The following DISP1 variants were observed in gnomAD, a reference collection of about 807,000 sequenced individuals.
DISP1 encodes protein dispatched homolog 1.
DISP1 carries 30 observed loss-of-function variants against 37.3 expected under a neutral mutation model. That is an observed-to-expected ratio of 0.80 (90% confidence interval 0.60 to 1.09). DISP1 has a LOEUF of 1.09. Among genes scored for constraint, DISP1 ranks in the 50% least tolerant of loss-of-function variants. DISP1 has a pLI of 0.00. For missense variants in DISP1, 1,598 were observed against 1,879.5 expected (o/e 0.85, Z 2.77); for synonymous variants, 634 against 690.2 (o/e 0.92, Z 1.28).
At chr1:222,971,705 G>A (rs147805255) in intron 3 of DISP1, among the ~76,000 whole-genome samples, 125 of 152,158 alleles carry the variant, frequency 8.2e-4, no homozygotes, top group Middle Eastern at 3.4e-3. Context: ...GCCTTGTCCT[G>A]TTAACAAATG....
intron 1 of DISP1, among the ~76,000 whole-genome samples, chr1:222,915,088 ACTGT>A (rs1318676625): frequency 6.6e-6 from 1 of 152,224 alleles, no homozygotes; most frequent in African/African-American, 2.4e-5. Context: ...TGTCCTGGAC[ACTGT>A]CTGAGTCGCT....
In DISP1 at chr1:222,848,601, C is replaced by T. The variant is rs140227907; in HGVS notation, c.-159+33523C>T. Reference sequence around the variant, plus strand: ...TTAGACTTACAGATGTCCTGGATTGCAGGCTCTTTGAGGGCAGAGACTGTG... The same window carrying T: ...TTAGACTTACAGATGTCCTGGATTGTAGGCTCTTTGAGGGCAGAGACTGTG... On this transcript the variant is annotated intron_variant, in intron 1 of 8. Transcript: ENST00000675850. Among the ~76,000 whole-genome samples, 85 of 152,236 alleles carry T rather than the reference C, an allele frequency of 5.6e-4. 1 individual carries two copies. The highest frequency in any genetic ancestry group is 9.0e-4 in the Non-Finnish European group (61 of 68,014).
chr1:222,893,400 C>T lies in DISP1; in HGVS notation c.-158-35030C>T, dbSNP rs1286542281. Among the ~76,000 whole-genome samples, 2 of 152,324 alleles carry T rather than the reference C, an allele frequency of 1.3e-5. No homozygotes were observed. Among genetic ancestry groups the T allele is most frequent in the East Asian group, 1.9e-4 (1 of 5,186 alleles). On this transcript the variant is annotated intron_variant, in intron 1 of 8. Transcript: ENST00000675850. This position sits in a 1 kb window ranked among gnomAD's most constrained non-coding sequence, Gnocchi z 4.3. ...CTGCTTGTGCCTGCTGGCCTCATTC[C>T]GCCCACTCGACCTGGCAGGCTGTGC... is the stretch of plus-strand genomic sequence containing the variant.
chr1:222,868,578 T>C (rs868866997), intron 1 of DISP1, among the ~76,000 whole-genome samples: 83 of 152,268 alleles, frequency 5.5e-4, no homozygotes, highest in African/African-American at 1.9e-3. Context: ...TCTATTTTGT[T>C]ATTAGAGAGA....
At chr1:222,906,701 A>C (rs1273156926) in intron 1 of DISP1, among the ~76,000 whole-genome samples, 2 of 152,236 alleles carry the variant, frequency 1.3e-5, no homozygotes, top group South Asian at 4.1e-4. Flanking sequence ...GGCATGAATA[A>C]TCCACCCCTT....
At chr1:222,988,652 A>T (rs1398081648) in intron 4 of DISP1, among the ~76,000 whole-genome samples, 395 of 77,506 alleles carry the variant, frequency 5.1e-3, no homozygotes, top group Middle Eastern at 0.015. Flanking sequence ...TTATAGCTTT[A>T]TTTCTTTCTC....
intron 1 of DISP1, among the ~76,000 whole-genome samples, chr1:222,871,722 G>C (rs1446053099): frequency 1.3e-5 from 2 of 152,160 alleles, no homozygotes; most frequent in Non-Finnish European, 2.9e-5. Flanking sequence ...ATACAATCAT[G>C]TCATCTGCAA....
Position 222,891,777 on chromosome 1 carries a change from G to T in DISP1, c.-158-36653G>T, listed in dbSNP as rs1284156607. Among the ~76,000 whole-genome samples, 8 of 152,204 alleles carry T rather than the reference G, an allele frequency of 5.3e-5. 1 individual carries two copies. The South Asian group carries it at 1.7e-3, about 32-fold the overall frequency. On this transcript the variant is annotated intron_variant, in intron 1 of 8. Coordinates refer to ENST00000675850, the MANE Select transcript of DISP1 (RefSeq NM_001377229.1). ...TTGAGGTGATTAGTGAGTACAACAG[G>T]TTATAGAATAGTGAAAGTGGAAGCC...
intron 3 of DISP1, among the ~76,000 whole-genome samples, chr1:222,956,139 C>T (rs947849305): frequency 7.9e-5 from 12 of 152,182 alleles, no homozygotes; most frequent in Non-Finnish European, 2.9e-5. Context: ...TCAGGCCTGC[C>T]CACCTCCTCT....
At chr1:222,872,749 A>C (rs1669664266) in intron 1 of DISP1, among the ~76,000 whole-genome samples, 1 of 152,024 alleles carries the variant, frequency 6.6e-6, no homozygotes, top group South Asian at 2.1e-4. Context: ...TGATTTTTTG[A>C]AGGGTTTTTC....
chr1:222,921,097 C>A (rs1054086493), intron 1 of DISP1, among the ~76,000 whole-genome samples: 2 of 152,122 alleles, frequency 1.3e-5, no homozygotes, highest in African/African-American at 4.8e-5. Context: ...ATCTCCTGAG[C>A]TCAGGAGTTC....
At chr1:222,959,507 C>G (rs902764884) in intron 3 of DISP1, among the ~76,000 whole-genome samples, 1 of 151,960 alleles carries the variant, frequency 6.6e-6, no homozygotes, top group African/African-American at 2.4e-5. Flanking sequence ...TTGAGACCAG[C>G]CTGACCAACA....
chr1:222,938,795 G>A (rs1456611134), intron 2 of DISP1, among the ~76,000 whole-genome samples: 1 of 147,886 alleles, frequency 6.8e-6, no homozygotes, highest in African/African-American at 2.5e-5. Flanking sequence ...ACGGGATGAA[G>A]AGGGGGAAGG....
At chr1:222,822,012 C>CAGGAAA (rs1663072230) in intron 1 of DISP1, among the ~76,000 whole-genome samples, 2 of 152,284 alleles carry the variant, frequency 1.3e-5, no homozygotes, top group Non-Finnish European at 2.9e-5. Flanking sequence ...TGGGGTCTCC[C>CAGGAAA]CTGCCATGCA....
At chr1:222,996,963 G>A (rs895857213) in intron 8 of DISP1, among the ~76,000 whole-genome samples, 3 of 151,978 alleles carry the variant, frequency 2.0e-5, no homozygotes, top group East Asian at 1.9e-4. Flanking sequence ...TCAAAAGCCA[G>A]TAAGCAATAG....
Position 223,004,037 on chromosome 1 carries a change from C to T in DISP1, c.2640C>T (p.Pro880=). 1 of 1,614,152 alleles carries T rather than the reference C, an allele frequency of 6.2e-7. No homozygotes were observed. The highest frequency in any genetic ancestry group is 2.2e-5 in the East Asian group (1 of 44,878). ...LYPCCSHWSF[P]YKQEIFELCI... ...CATGCTGCAGCCACTGGAGCTTCCC[C>T]TACAAGCAAGAGATTTTTGAACTGT... is the stretch of plus-strand genomic sequence containing the variant. The change falls in exon 9 of 9, where the codon CCC becomes CCT. Residue 880 remains proline, a synonymous_variant. Coordinates refer to ENST00000675850, the MANE Select transcript of DISP1 (RefSeq NM_001377229.1). This position sits in a 1 kb window ranked among gnomAD's most constrained non-coding sequence, Gnocchi z 4.9.
intron 2 of DISP1, among the ~76,000 whole-genome samples, chr1:222,933,584 A>G (rs904462904): frequency 5.9e-5 from 9 of 151,922 alleles, no homozygotes; most frequent in African/African-American, 1.7e-4. Context: ...CAAATATATA[A>G]TGTTTGTTTC....
chr1:222,872,189 A>G (rs1238620939), intron 1 of DISP1: 2 of 152,246 alleles, frequency 1.3e-5, no homozygotes, highest in Non-Finnish European at 2.9e-5. Flanking sequence ...TCGGTTTGCC[A>G]GTATTTTATT....
chr1:222,979,537 A>C (rs1677676798), intron 3 of DISP1: 1 of 465,436 alleles, frequency 2.1e-6, no homozygotes, highest in Admixed American at 2.4e-5. Flanking sequence ...TGGTATATGA[A>C]TTATATCTCA....
Sources: gnomAD v4.1 joint callset for allele counts (sites outside exome capture counted in the v4.1 genomes callset) on GRCh38, gnomAD v4.1.1 for gene constraint, Gnocchi (gnomAD v3.1) non-coding constraint, MANE v1.5 for transcripts, NCBI Gene and HGNC (gene_info 2026-07-23, HGNC 2026-07-21) for gene names.